KALRN: variants seen among roughly 807,000 people sequenced by gnomAD.
KALRN encodes kalirin.
In KALRN, 70 loss-of-function variants were observed where a neutral mutation model predicts 353.7. The observed-to-expected ratio is 0.20, with a 90% CI of 0.16 to 0.24. The LOEUF (loss-of-function observed/expected upper bound fraction) is 0.24, where lower values mean the gene tolerates loss of function less well. KALRN is among the 10% of genes least tolerant of loss of function. The pLI is 1.00. For synonymous variants in KALRN, 1,391 were observed against 1,434.8 expected, an observed-to-expected ratio of 0.97 and a Z score of 0.69; for missense variants, 2,791 against 3,756.7, an observed-to-expected ratio of 0.74 and a Z score of 6.72.
intron 7 of KALRN, among the ~76,000 whole-genome samples, chr3:124,329,489 G>T (rs575531008): frequency 6.6e-6 from 1 of 152,152 alleles, no homozygotes; most frequent in South Asian, 2.1e-4. Context: ...AGCCCCTCAC[G>T]TGTGCCTGTG....
At chr3:124,280,491 C>T (rs576998032) in intron 5 of KALRN, among the ~76,000 whole-genome samples, 1 of 152,178 alleles carries the variant, frequency 6.6e-6, no homozygotes, top group Non-Finnish European at 1.5e-5. Flanking sequence ...GTTCTTTCAG[C>T]CTATTTTCGT....
chr3:124,552,354 G>C (rs929974481), intron 33 of KALRN, among the ~76,000 whole-genome samples: 1 of 152,174 alleles, frequency 6.6e-6, no homozygotes, highest in Non-Finnish European at 1.5e-5. Flanking sequence ...CAGGCTGCCC[G>C]TCCCCAGATT....
intron 1 of KALRN, among the ~76,000 whole-genome samples, chr3:124,104,927 G>A (rs747533535): frequency 1.1e-4 from 17 of 152,142 alleles, no homozygotes; most frequent in Non-Finnish European, 2.2e-4. Flanking sequence ...TGGGTTGAAG[G>A]GGATGGATAG....
At chr3:124,664,338 T>A (rs1020569040) in intron 45 of KALRN, among the ~76,000 whole-genome samples, 16 of 80,554 alleles carry the variant, frequency 2.0e-4, no homozygotes, top group African/African-American at 5.2e-4. Flanking sequence ...CATGTGAGTG[T>A]GTGTGTGTGT....
intron 34 of KALRN, among the ~76,000 whole-genome samples, chr3:124,587,237 G>C (rs1265937099): frequency 6.8e-6 from 1 of 146,126 alleles, no homozygotes; most frequent in Non-Finnish European, 1.5e-5. Context: ...AGATAAAGGC[G>C]GCCGGTTGTT....
chr3:124,694,837 T>C (rs1395983967), intron 53 of KALRN, among the ~76,000 whole-genome samples: 1 of 152,098 alleles, frequency 6.6e-6, no homozygotes, highest in East Asian at 1.9e-4. Context: ...ATTAAACAAA[T>C]AGGGAAAAAC....
At chr3:124,243,197 T>G (rs2080712174) in intron 3 of KALRN, among the ~76,000 whole-genome samples, 1 of 152,196 alleles carries the variant, frequency 6.6e-6, no homozygotes, top group African/African-American at 2.4e-5. Context: ...TGAGGCTCCT[T>G]CATTTCCATG....
chr3:124,396,144 C>T (rs1269805454), intron 12 of KALRN, among the ~76,000 whole-genome samples: 1 of 152,138 alleles, frequency 6.6e-6, no homozygotes, highest in Non-Finnish European at 1.5e-5. Context: ...GGACTTTTTC[C>T]TATCCCAAAA....
chr3:124,403,823 G>A (rs1264085201), intron 13 of KALRN, among the ~76,000 whole-genome samples: 1 of 152,206 alleles, frequency 6.6e-6, no homozygotes, highest in African/African-American at 2.4e-5. Context: ...ACATAACAGG[G>A]AGACACAGAA....
intron 33 of KALRN, among the ~76,000 whole-genome samples, chr3:124,524,878 C>T (rs2067457461): frequency 6.6e-6 from 1 of 152,190 alleles, no homozygotes; most frequent in Non-Finnish European, 1.5e-5. Context: ...TAGGTGACCA[C>T]ACATCTTCCT....
intron 10 of KALRN, among the ~76,000 whole-genome samples, chr3:124,353,280 A>T (rs1052850975): frequency 1.3e-5 from 2 of 152,162 alleles, no homozygotes; most frequent in Non-Finnish European, 1.5e-5. Context: ...CAGCAAACCT[A>T]CCATAGTAAT....
At chr3:124,330,496 G>A (rs914744229) in intron 8 of KALRN, among the ~76,000 whole-genome samples, 1 of 152,094 alleles carries the variant, frequency 6.6e-6, no homozygotes, top group African/African-American at 2.4e-5. Flanking sequence ...AACACACAGG[G>A]TGGAGATAAG....
chr3:124,284,561 C>G (rs1196599988), intron 5 of KALRN, among the ~76,000 whole-genome samples: 2 of 152,152 alleles, frequency 1.3e-5, no homozygotes, highest in Admixed American at 6.5e-5. Context: ...CAGTATACGT[C>G]TCTTATAGTA....
intron 1 of KALRN, among the ~76,000 whole-genome samples, chr3:124,068,342 T>C (rs1431071079): frequency 6.6e-6 from 1 of 152,208 alleles, no homozygotes; most frequent in African/African-American, 2.4e-5. Flanking sequence ...TGTGACATCC[T>C]GTGAGGTTAC....
At position 124,522,053 on chromosome 3, in the gene KALRN, G is replaced by C. The variant is rs200149459; in HGVS notation, c.4935+25640G>C. Among the ~76,000 whole-genome samples, 10 of 152,104 alleles carry C rather than the reference G, an allele frequency of 6.6e-5. No individual in the cohort carries two copies. In the East Asian group the frequency reaches 1.4e-3, roughly 21 times the overall value. The stretch of plus-strand genomic sequence containing the variant: ...AATCAAAGAAAAATAAGAAAGGAAG[G>C]TAGGGAGTGCCAAAGGTAGAGATGC... On this transcript the variant is annotated intron_variant, in intron 33 of 59. Transcript: ENST00000682506.
chr3:124,395,416 A>G, intron 12 of KALRN, 73 bp downstream of exon 12: 4 of 1,307,850 alleles, frequency 3.1e-6, no homozygotes, highest in Non-Finnish European at 4.3e-6. Context: ...CCCAGTCTTG[A>G]CTCAGCAAAA....
intron 1 of KALRN, among the ~76,000 whole-genome samples, chr3:124,099,577 A>G (rs975858886): frequency 2.3e-4 from 35 of 152,224 alleles, no homozygotes; most frequent in African/African-American, 8.2e-4. Context: ...ATAAGTACCC[A>G]GTAGTGGGAT....
chr3:124,164,091 G>A (rs1370192212), intron 1 of KALRN: 1 of 498,512 alleles, frequency 2.0e-6, no homozygotes, highest in African/African-American at 2.1e-5. Flanking sequence ...AGTGACCTTG[G>A]CTGAGACATC....
intron 34 of KALRN, among the ~76,000 whole-genome samples, chr3:124,623,707 T>A (rs1380360186): frequency 6.6e-6 from 1 of 152,122 alleles, no homozygotes; most frequent in Non-Finnish European, 1.5e-5. Flanking sequence ...CCCAGCCCAC[T>A]GACTCAAATG....
Sources: gnomAD v4.1 joint callset for allele counts (sites outside exome capture counted in the v4.1 genomes callset) on GRCh38, gnomAD v4.1.1 for gene constraint, MANE v1.5 for transcripts, NCBI Gene and HGNC (gene_info 2026-07-23, HGNC 2026-07-21) for gene names.